The following ROBO1 variants were observed in gnomAD, a reference collection of about 807,000 sequenced individuals.
The protein encoded by ROBO1 is roundabout homolog 1.
ROBO1 carries 149 observed loss-of-function variants against 195.9 expected under a neutral mutation model. That is an observed-to-expected ratio of 0.76 (90% CI 0.67 to 0.87). The LOEUF (loss-of-function observed/expected upper bound fraction) is 0.87, where lower values mean the gene tolerates loss of function less well. Ranked by LOEUF, ROBO1 falls within the 40% of genes least tolerant of loss-of-function variation. The pLI is 0.00. For missense variants in ROBO1, 1,933 were observed against 2,068.3 expected, an observed-to-expected ratio of 0.93 and a Z score of 1.27; for synonymous variants, 816 against 733.2, an observed-to-expected ratio of 1.11 and a Z score of -1.82.
At chr3:79,303,358 G>T (rs1313472021) in intron 2 of ROBO1, among the ~76,000 whole-genome samples, 1 of 151,884 alleles carries the variant, frequency 6.6e-6, no homozygotes, top group South Asian at 2.1e-4. Context: ...CAGAGACGGG[G>T]TTTCGCCACG....
intron 1 of ROBO1, among the ~76,000 whole-genome samples, chr3:79,701,665 A>G (rs1449974150): frequency 1.3e-5 from 2 of 151,744 alleles, no homozygotes; most frequent in Non-Finnish European, 2.9e-5. Context: ...GCACTGCCCC[A>G]TATGATAGAA....
intron 2 of ROBO1, among the ~76,000 whole-genome samples, chr3:79,581,536 A>T (rs752541811): frequency 1.3e-5 from 2 of 152,168 alleles, no homozygotes; most frequent in Non-Finnish European, 2.9e-5. Context: ...ACCAAGGCTA[A>T]TAAAGAGACA....
chr3:78,716,859 T>A (rs1410778266), intron 7 of ROBO1, among the ~76,000 whole-genome samples: 1 of 152,148 alleles, frequency 6.6e-6, no homozygotes, highest in South Asian at 2.1e-4. Flanking sequence ...CTCCAACCTC[T>A]TCTACCATTC....
intron 3 of ROBO1, among the ~76,000 whole-genome samples, chr3:79,122,957 T>A (rs182482374): frequency 1.5e-3 from 231 of 152,086 alleles, no homozygotes; most frequent in Non-Finnish European, 2.9e-3. Flanking sequence ...AAACATCTGA[T>A]GTATAAAATC....
chr3:79,757,503 C>CCATATATATATATATATATA (rs369407395), intron 1 of ROBO1, among the ~76,000 whole-genome samples: 13 of 145,228 alleles, frequency 9.0e-5, no homozygotes, highest in African/African-American at 3.3e-4. Context: ...CTCTCTCTCT[C>CCATATATATATATATATATA]TCTCTCCATA....
intron 3 of ROBO1, among the ~76,000 whole-genome samples, chr3:79,022,550 C>G (rs2078123001): frequency 6.6e-6 from 1 of 152,182 alleles, no homozygotes; most frequent in African/African-American, 2.4e-5. Flanking sequence ...GTGTGAGTGC[C>G]TGTGCAAGTG....
At chr3:79,275,494 G>A (rs2108985142) in intron 2 of ROBO1, among the ~76,000 whole-genome samples, 1 of 151,938 alleles carries the variant, frequency 6.6e-6, no homozygotes, top group South Asian at 2.1e-4. Context: ...CACAATAAAA[G>A]CAATATATAG....
At chr3:79,253,405 T>A (rs1239143041) in intron 2 of ROBO1, among the ~76,000 whole-genome samples, 1 of 152,184 alleles carries the variant, frequency 6.6e-6, no homozygotes, top group East Asian at 1.9e-4. Flanking sequence ...CATATTTTAC[T>A]TCTTGCAGTA....
rs1039871129 is a variant in ROBO1 at position 79,300,719 on chromosome 3, C to T, written c.89-175180G>A. Among the ~76,000 whole-genome samples the T allele has an allele frequency of 5.7e-4, 87 of 152,178 alleles. 1 individual carries two copies. Among genetic ancestry groups the T allele is most frequent in the Non-Finnish European group, 1.2e-3 (81 of 68,030 alleles). The stretch of plus-strand genomic sequence containing the variant: ...AGGTGGAGAACCTTTATGTCTAGCT[C>T]AGGGATTGTAAATACACCAATCGGC... On this transcript the variant is annotated intron_variant, in intron 2 of 30. Coordinates refer to ENST00000464233, the MANE Select transcript of ROBO1 (RefSeq NM_002941.4).
intron 1 of ROBO1, among the ~76,000 whole-genome samples, chr3:79,621,432 C>T (rs976153898): frequency 5.9e-5 from 9 of 152,096 alleles, no homozygotes; most frequent in African/African-American, 1.7e-4. Context: ...TTCACATGGA[C>T]GTGCATGACA....
At chr3:79,268,914 C>A (rs981811291) in intron 2 of ROBO1, among the ~76,000 whole-genome samples, 1 of 151,616 alleles carries the variant, frequency 6.6e-6, no homozygotes, top group African/African-American at 2.4e-5. Context: ...ATTTTTTGGA[C>A]ATTCTATATA....
At chr3:79,512,909 A>G (rs908801318) in intron 2 of ROBO1, 2 of 152,208 alleles carry the variant, frequency 1.3e-5, no homozygotes, top group East Asian at 3.8e-4. Flanking sequence ...TTATGCATAA[A>G]AAGAGAAACA....
intron 30 of ROBO1, among the ~76,000 whole-genome samples, 193 bp from the exon 31 acceptor site, chr3:78,599,120 A>T (rs1703013739): frequency 6.6e-6 from 1 of 152,180 alleles, no homozygotes; most frequent in Non-Finnish European, 1.5e-5. Flanking sequence ...TTCAACAAGT[A>T]CCAAACTGGG....
intron 2 of ROBO1, among the ~76,000 whole-genome samples, chr3:79,310,495 A>T (rs1003660989): frequency 2.0e-5 from 3 of 152,182 alleles, no homozygotes; most frequent in Admixed American, 1.3e-4. Flanking sequence ...AGCTTTCTCT[A>T]TTCTACCATC....
At chr3:79,214,283 T>C (rs945708108) in intron 2 of ROBO1, among the ~76,000 whole-genome samples, 1 of 152,064 alleles carries the variant, frequency 6.6e-6, no homozygotes, top group African/African-American at 2.4e-5. Context: ...CCGTAAATAA[T>C]AGTAATAAAT....
At chr3:79,744,961 T>G (rs754444178) in intron 1 of ROBO1, among the ~76,000 whole-genome samples, 1 of 152,184 alleles carries the variant, frequency 6.6e-6, no homozygotes, top group Non-Finnish European at 1.5e-5. Context: ...ATGCTTTAAA[T>G]GCCTATTTTT....
chr3:79,258,876 T>G (rs2082885485), intron 2 of ROBO1, among the ~76,000 whole-genome samples: 1 of 152,010 alleles, frequency 6.6e-6, no homozygotes, highest in Admixed American at 6.6e-5. Flanking sequence ...ATTAGGCTAT[T>G]GCCTAGAAAT....
Position 78,891,603 on chromosome 3 carries a change from G to T in ROBO1, c.499+46998C>A, listed in dbSNP as rs532871570. On this transcript the variant is annotated intron_variant, in intron 4 of 30. Transcript: ENST00000464233. ...CAATTCCACTCAAAACTACCCAAAA[G>T]AAATAAAAACATATGTCCATAAAAA... 4.1e-4 allele frequency among the ~76,000 whole-genome samples: 62 copies of T among 152,192 alleles called. No individual in the cohort carries two copies. The South Asian group carries it at 4.8e-3, about 12-fold the overall frequency.
At chr3:79,424,413 A>G (rs954241045) in intron 2 of ROBO1, among the ~76,000 whole-genome samples, 29 of 135,616 alleles carry the variant, frequency 2.1e-4, no homozygotes, top group African/African-American at 7.0e-4. Context: ...CCTCAAGTGA[A>G]TGAAAATATC....
Sources: allele counts gnomAD v4.1 joint callset (sites outside exome capture counted in the v4.1 genomes callset), GRCh38; gene constraint gnomAD v4.1.1; transcripts MANE v1.5; gene names NCBI Gene and HGNC (gene_info 2026-07-23, HGNC 2026-07-21).